CACNA2D3: variants seen among roughly 807,000 people sequenced by gnomAD.
CACNA2D3 encodes the protein calcium voltage-gated channel auxiliary subunit alpha2delta 3.
CACNA2D3 carries 60 observed loss-of-function variants against 160.6 expected under a neutral mutation model. The ratio of observed to expected loss-of-function variants is 0.37; its 90% confidence interval spans 0.30 to 0.46. CACNA2D3 has a LOEUF of 0.46. Ranked by LOEUF, CACNA2D3 falls within the 20% of genes least tolerant of loss-of-function variation. The pLI, the probability that CACNA2D3 is intolerant of heterozygous loss-of-function variation, is 1.00. For missense variants in CACNA2D3, 1,205 were observed against 1,365.0 expected (o/e 0.88, Z 1.85); for synonymous variants, 558 against 492.9 (o/e 1.13, Z -1.75).
intron 3 of CACNA2D3, among the ~76,000 whole-genome samples, chr3:54,334,658 C>T (rs1704335968): frequency 1.3e-5 from 2 of 152,168 alleles, no homozygotes; most frequent in South Asian, 4.1e-4. Context: ...TAGCCCCAAG[C>T]CCAGGTCACA....
chr3:54,252,889 A>G (rs555092636), intron 2 of CACNA2D3, among the ~76,000 whole-genome samples: 1 of 152,242 alleles, frequency 6.6e-6, no homozygotes, highest in Admixed American at 6.5e-5. Flanking sequence ...CGGGAAACAC[A>G]TAGTCCATCT....
chr3:55,069,946 AATTT>A (rs1704762310), intron 35 of CACNA2D3, among the ~76,000 whole-genome samples: 1 of 152,230 alleles, frequency 6.6e-6, no homozygotes, highest in Non-Finnish European at 1.5e-5. Context: ...TGCCAAAGTT[AATTT>A]ATGTCAGTAA....
At chr3:54,274,926 A>G (rs995203757) in intron 2 of CACNA2D3, among the ~76,000 whole-genome samples, 2 of 152,168 alleles carry the variant, frequency 1.3e-5, no homozygotes, top group East Asian at 1.9e-4. Flanking sequence ...ACATTGCTTC[A>G]CTTCTGTCAT....
At chr3:54,603,834 G>T (rs1419753345) in intron 9 of CACNA2D3, among the ~76,000 whole-genome samples, 1 of 151,830 alleles carries the variant, frequency 6.6e-6, no homozygotes, top group Non-Finnish European at 1.5e-5. Context: ...TAGTATTTTT[G>T]TGTTTATCTG....
chr3:54,408,346 T>A (rs1699612062), intron 4 of CACNA2D3, among the ~76,000 whole-genome samples: 1 of 152,012 alleles, frequency 6.6e-6, no homozygotes, highest in Non-Finnish European at 1.5e-5. Flanking sequence ...AATGCAAAAT[T>A]AAAATTGCCT....
At chr3:54,658,503 T>C (rs1699912661) in intron 11 of CACNA2D3, among the ~76,000 whole-genome samples, 1 of 152,238 alleles carries the variant, frequency 6.6e-6, no homozygotes, top group Non-Finnish European at 1.5e-5. Flanking sequence ...TCAGGTTCTT[T>C]GCCCATTTTT....
chr3:54,242,302 G>T (rs751483166), intron 2 of CACNA2D3, among the ~76,000 whole-genome samples: 3 of 151,958 alleles, frequency 2.0e-5, no homozygotes, highest in Non-Finnish European at 4.4e-5. Context: ...AAAAAGCCAG[G>T]CATGGTGGTG....
rs1290078235 is a variant in CACNA2D3 at position 55,033,809 on chromosome 3, AT to A, written c.2987+15494del. Among the ~76,000 whole-genome samples, 4 of 121,700 alleles carry A rather than the reference AT, an allele frequency of 3.3e-5. 1 individual carries two copies. Among genetic ancestry groups the A allele is most frequent in the African/African-American group, 7.1e-5 (2 of 28,254 alleles). 79.8% of individuals were successfully genotyped at this position (121,700 alleles called of 152,430 possible). ...ATTAAATATATTTTATATAATATGT[AT>A]TATATATTAAATATATTTAATATAT... is the stretch of plus-strand genomic sequence containing the variant. On this transcript the variant is annotated intron_variant, in intron 35 of 37. Coordinates refer to ENST00000474759, the MANE Select transcript of CACNA2D3 (RefSeq NM_018398.3).
At chr3:54,187,010 ACCACTTTTTCT>A (rs1293897184) in intron 2 of CACNA2D3, among the ~76,000 whole-genome samples, 1 of 152,180 alleles carries the variant, frequency 6.6e-6, no homozygotes, top group Non-Finnish European at 1.5e-5. Context: ...AGACACTGTG[ACCACTTTTTCT>A]GAGTCTGCTG....
intron 5 of CACNA2D3, among the ~76,000 whole-genome samples, chr3:54,513,422 A>C (rs1701490922): frequency 6.6e-6 from 1 of 152,118 alleles, no homozygotes; most frequent in South Asian, 2.1e-4. Context: ...TTCAGGCATA[A>C]TATGATCTCA....
chr3:54,334,575 C>T (rs904324460), intron 3 of CACNA2D3, among the ~76,000 whole-genome samples: 2 of 152,082 alleles, frequency 1.3e-5, no homozygotes, highest in Non-Finnish European at 2.9e-5. Flanking sequence ...GTGAAATGGA[C>T]GTGTTCTCAT....
At chr3:54,165,042 G>C (rs982736455) in intron 2 of CACNA2D3, among the ~76,000 whole-genome samples, 1 of 151,276 alleles carries the variant, frequency 6.6e-6, no homozygotes, top group Non-Finnish European at 1.5e-5. Flanking sequence ...AGAAAAGCTG[G>C]GTTTTAGCCC....
intron 2 of CACNA2D3, among the ~76,000 whole-genome samples, chr3:54,193,450 A>G (rs1701017831): frequency 6.6e-6 from 1 of 151,754 alleles, no homozygotes; most frequent in Non-Finnish European, 1.5e-5. Flanking sequence ...GTGGCATTGG[A>G]TACTATCATA....
chr3:54,680,622 A>G (rs539968369), intron 11 of CACNA2D3, among the ~76,000 whole-genome samples: 2 of 152,336 alleles, frequency 1.3e-5, no homozygotes, highest in African/African-American at 2.4e-5. Context: ...CAGGAGGATC[A>G]TGAGCTGCTG....
chr3:54,615,716 A>G (rs1465830613), intron 9 of CACNA2D3, among the ~76,000 whole-genome samples: 2 of 152,202 alleles, frequency 1.3e-5, no homozygotes, highest in African/African-American at 4.8e-5. Context: ...TTGTGGAACA[A>G]ATTACCCCTA....
chr3:54,124,805 T>A (rs1031603128), intron 2 of CACNA2D3, among the ~76,000 whole-genome samples: 1 of 152,242 alleles, frequency 6.6e-6, no homozygotes, highest in African/African-American at 2.4e-5. Context: ...TCAACTCTGT[T>A]GTTTGGGAAG....
intron 12 of CACNA2D3, among the ~76,000 whole-genome samples, chr3:54,755,444 A>C: frequency 6.6e-6 from 1 of 152,178 alleles, no homozygotes; most frequent in East Asian, 1.9e-4. Context: ...CAGTCTTTTA[A>C]GCAAGGCTCA....
intron 9 of CACNA2D3, among the ~76,000 whole-genome samples, chr3:54,598,844 C>T (rs566536007): frequency 8.7e-4 from 132 of 152,238 alleles, no homozygotes; most frequent in African/African-American, 2.7e-3. Flanking sequence ...GAGTAAAATG[C>T]GGTGAAATTA....
chr3:54,346,607 G>T (rs1319021024), intron 3 of CACNA2D3, among the ~76,000 whole-genome samples: 2 of 151,964 alleles, frequency 1.3e-5, no homozygotes, highest in Non-Finnish European at 2.9e-5. Flanking sequence ...CCTCCTTCCT[G>T]CCCCCTCCAG....
Sources: gnomAD v4.1 joint callset for allele counts (sites outside exome capture counted in the v4.1 genomes callset) on GRCh38, gnomAD v4.1.1 for gene constraint, MANE v1.5 for transcripts, NCBI Gene and HGNC (gene_info 2026-07-23, HGNC 2026-07-21) for gene names.